The following NEDD4 variants were observed in gnomAD, a reference collection of about 807,000 sequenced individuals.
NEDD4 encodes the protein NEDD4 E3 ubiquitin protein ligase.
NEDD4 carries 99 observed loss-of-function variants against 144.9 expected under a neutral mutation model. That is an observed-to-expected ratio of 0.68 (90% CI 0.58 to 0.81). NEDD4 has a LOEUF of 0.81. Ranked by LOEUF, NEDD4 falls within the 30% of genes least tolerant of loss-of-function variation. The pLI is 0.00. For missense variants in NEDD4, 985 were observed against 1,065.9 expected (o/e 0.92, Z 1.06); for synonymous variants, 318 against 350.6 (o/e 0.91, Z 1.04).
intron 1 of NEDD4, among the ~76,000 whole-genome samples, chr15:55,983,268 T>C (rs1242799262): frequency 1.4e-5 from 2 of 142,390 alleles, no homozygotes; most frequent in Admixed American, 1.4e-4. Context: ...AAAAATAATG[T>C]TGATGATGAC....
chr15:55,911,019 G>A (rs2036254919), intron 5 of NEDD4, among the ~76,000 whole-genome samples: 1 of 152,006 alleles, frequency 6.6e-6, no homozygotes, highest in African/African-American at 2.4e-5. Flanking sequence ...ACTTCTGGCA[G>A]ATCACCGCCT....
rs2035240846 is a variant in NEDD4, at chr15:55,882,756, C to G, written c.292-8748G>C. Among the ~76,000 whole-genome samples the G allele has an allele frequency of 2.6e-5, 4 of 152,250 alleles. No individual in the cohort carries two copies. In the South Asian group the frequency reaches 8.3e-4, roughly 32 times the overall value. On this transcript the variant is annotated intron_variant, in intron 5 of 28. Coordinates refer to ENST00000435532, the MANE Select transcript of NEDD4 (RefSeq NM_006154.4). ...ACCCCAGGCAGTGCAGCATGCAGCTCTGAAAGAAACTCCTTCCTTTTGCTT... is the reference window on the plus strand; with the variant it reads ...ACCCCAGGCAGTGCAGCATGCAGCTGTGAAAGAAACTCCTTCCTTTTGCTT...
At chr15:55,888,058 T>G (rs1168463683) in intron 5 of NEDD4, among the ~76,000 whole-genome samples, 3 of 152,160 alleles carry the variant, frequency 2.0e-5, no homozygotes, top group Non-Finnish European at 2.9e-5. Flanking sequence ...TAAAAGCCTT[T>G]CCTCTAACAT....
intron 1 of NEDD4, among the ~76,000 whole-genome samples, chr15:55,975,859 TAATTACTGGACTTCA>T (rs1229798211): frequency 6.6e-6 from 1 of 152,120 alleles, no homozygotes; most frequent in Non-Finnish European, 1.5e-5. Context: ...GGAGTCAAAT[TAATTACTGGACTTCA>T]AATTATACTA....
intron 24 of NEDD4, among the ~76,000 whole-genome samples, chr15:55,834,883 G>A (rs907009330): frequency 1.1e-4 from 16 of 152,178 alleles, no homozygotes; most frequent in African/African-American, 3.6e-4. Context: ...CCATCCCTGC[G>A]TCCCAACCAT....
At chr15:55,959,737 G>T (rs1037490333) in intron 2 of NEDD4, among the ~76,000 whole-genome samples, 1 of 152,142 alleles carries the variant, frequency 6.6e-6, no homozygotes. Flanking sequence ...AAGCTGAGAC[G>T]GCCTCCAGCT....
At chr15:55,919,722 G>A (rs1446123979) in intron 5 of NEDD4, among the ~76,000 whole-genome samples, 2 of 152,150 alleles carry the variant, frequency 1.3e-5, no homozygotes, top group Admixed American at 6.5e-5. Flanking sequence ...AACAGATAAC[G>A]TCTTAGGATT....
At chr15:55,940,190 T>C (rs1041283706) in intron 4 of NEDD4, among the ~76,000 whole-genome samples, 1 of 152,078 alleles carries the variant, frequency 6.6e-6, no homozygotes, top group Non-Finnish European at 1.5e-5. Flanking sequence ...AGAATGGTGG[T>C]TTAATACTAT....
intron 1 of NEDD4, 104 bp from the exon 2 acceptor site, chr15:55,966,650 T>G (rs1408978283): frequency 1.9e-5 from 9 of 484,618 alleles, no homozygotes; most frequent in Non-Finnish European, 3.2e-5. Flanking sequence ...GATATTAAAA[T>G]TAATTGAAGA....
At position 55,941,199 on chromosome 15, in the gene NEDD4, T is replaced by C. The variant is rs1276551226; in HGVS notation, c.237+10177A>G. Among the ~76,000 whole-genome samples, 26 of 152,196 alleles carry C rather than the reference T, an allele frequency of 1.7e-4. 1 individual carries two copies. The highest frequency in any genetic ancestry group is 1.6e-3 in the Admixed American group (24 of 15,278). On this transcript the variant is annotated intron_variant, in intron 4 of 28. Transcript: ENST00000435532. Reference sequence around the variant, plus strand: ...AAGATCCATCCTTGGTTTTATTTATTTTCTCTACTTTTTGTCCATTTTCTT... The same window carrying C: ...AAGATCCATCCTTGGTTTTATTTATCTTCTCTACTTTTTGTCCATTTTCTT...
chr15:55,837,087 G>A (rs1401743719), intron 24 of NEDD4, among the ~76,000 whole-genome samples: 1 of 152,074 alleles, frequency 6.6e-6, no homozygotes, highest in African/African-American at 2.4e-5. Context: ...CACAAAGAAA[G>A]GCAGCTATAT....
At chr15:55,894,769 A>AGG (rs1239401504) in intron 5 of NEDD4, among the ~76,000 whole-genome samples, 1 of 152,192 alleles carries the variant, frequency 6.6e-6, no homozygotes, top group Non-Finnish European at 1.5e-5. Flanking sequence ...TTAAAAATAC[A>AGG]AACCATTTTT....
Position 55,966,456 on chromosome 15 carries a change from C to T in NEDD4, c.119+17G>A, listed in dbSNP as rs2037514346. 2 of 1,447,608 alleles carry T rather than the reference C, an allele frequency of 1.4e-6. No homozygotes were observed. The highest frequency in any genetic ancestry group is 9.3e-7 in the Non-Finnish European group (1 of 1,074,924). The allele number at this position is 1,447,608 out of a possible 1,614,324, so 89.7% of individuals were successfully genotyped here. A position where few individuals can be genotyped will look rare whatever the true frequency, so the allele number is the denominator to read the frequency against. On this transcript the variant is annotated intron_variant, in intron 2 of 28. Transcript: ENST00000435532. ...AATGCAAAGTTTTAAAATTATAATC[C>T]AAATAGATATACTTACCTAGCTCCC... is the stretch of plus-strand genomic sequence containing the variant.
rs190358416 is a variant in NEDD4, at chr15:55,871,296, G to T, written c.404+1119C>A. Among the ~76,000 whole-genome samples the T allele has an allele frequency of 5.9e-5, 9 of 152,312 alleles. No homozygotes were observed. The East Asian group carries it at 1.5e-3, about 26-fold the overall frequency. On this transcript the variant is annotated intron_variant, in intron 7 of 28. Coordinates refer to ENST00000435532, the MANE Select transcript of NEDD4 (RefSeq NM_006154.4). ...GTTTCATGTCTTTTCAATTGGAAAA[G>T]AAGCCTCAAGGTTTTGACTTAATGG...
At chr15:55,843,739 A>G (rs561876595) in intron 18 of NEDD4, among the ~76,000 whole-genome samples, 1 of 152,300 alleles carries the variant, frequency 6.6e-6, no homozygotes, top group African/African-American at 2.4e-5. Flanking sequence ...GCAGTTTCCT[A>G]TACTGCTTAT....
chr15:55,829,915 G>T lies in NEDD4; in HGVS notation c.2685C>A (p.Gly895=), dbSNP rs1566893072. The T allele has an allele frequency of 6.2e-7, 1 of 1,612,724 alleles. No homozygotes were observed. Among genetic ancestry groups the T allele is most frequent in the Non-Finnish European group, 8.5e-7 (1 of 1,179,062 alleles). Residue 895 remains glycine (G), a synonymous_variant, in exon 29 of 29, where the codon GGC becomes GGA. Coordinates refer to ENST00000435532, the MANE Select transcript of NEDD4 (RefSeq NM_006154.4). ...KLQMAIENTQ[G]FDGVD is the part of the protein sequence containing the mutation. Reference sequence around the variant, plus strand: ...TTGTAATCTAATCAACTCCATCAAAGCCCTGGGTGTTTTCAATTGCCATCT... The same window carrying T: ...TTGTAATCTAATCAACTCCATCAAATCCCTGGGTGTTTTCAATTGCCATCT...
chr15:55,912,721 T>A (rs1348057371), intron 5 of NEDD4, among the ~76,000 whole-genome samples: 1 of 152,184 alleles, frequency 6.6e-6, no homozygotes, highest in African/African-American at 2.4e-5. Flanking sequence ...CTCCTTAACC[T>A]GCTTCTTGAT....
intron 5 of NEDD4, among the ~76,000 whole-genome samples, chr15:55,901,511 G>C (rs1441907138): frequency 1.3e-5 from 2 of 152,134 alleles, no homozygotes; most frequent in Non-Finnish European, 1.5e-5. Flanking sequence ...AAATTCGTGA[G>C]TATAAGTAAA....
intron 24 of NEDD4, among the ~76,000 whole-genome samples, chr15:55,837,488 C>G (rs1209602313): frequency 6.7e-6 from 1 of 150,178 alleles, no homozygotes; most frequent in Non-Finnish European, 1.5e-5. Context: ...TAAGGTGATC[C>G]TATTTAGAAA....
Sources: allele counts gnomAD v4.1 joint callset (sites outside exome capture counted in the v4.1 genomes callset), GRCh38; gene constraint gnomAD v4.1.1; transcripts MANE v1.5; gene names NCBI Gene and HGNC (gene_info 2026-07-23, HGNC 2026-07-21).